The following MCTP1 variants were observed in gnomAD, a reference collection of about 807,000 sequenced individuals.
MCTP1 encodes the protein multiple C2 and transmembrane domain-containing protein 1.
Under a neutral mutation model 120.6 loss-of-function variants are expected in MCTP1, and 69 were observed. The ratio of observed to expected loss-of-function variants is 0.57; its 90% CI spans 0.47 to 0.70. MCTP1 has a LOEUF of 0.70. Among genes scored for constraint, MCTP1 ranks in the 30% least tolerant of loss-of-function variants. The pLI, the probability that MCTP1 is intolerant of heterozygous loss-of-function variation, is 0.00. For missense variants in MCTP1, 1,203 were observed against 1,248.8 expected (o/e 0.96, Z 0.55); for synonymous variants, 529 against 493.1 (o/e 1.07, Z -0.96).
chr5:94,805,708 G>C lies in MCTP1; in HGVS notation c.2437-6576C>G, dbSNP rs368874182. ...GCACAGAGAGAACTTTAAGGAAAAA[G>C]TCCTGAGAGGCAGACTGGGAGGGCA... On this transcript the variant is annotated intron_variant, in intron 17 of 22. Transcript: ENST00000515393. 1.1e-4 allele frequency among the ~76,000 whole-genome samples: 17 copies of C among 151,686 alleles called. No homozygotes were observed. In the East Asian group the frequency reaches 2.9e-3, roughly 26 times the overall value.
At chr5:94,857,321 G>A (rs763814807) in intron 17 of MCTP1, among the ~76,000 whole-genome samples, 3 of 151,662 alleles carry the variant, frequency 2.0e-5, no homozygotes, top group Non-Finnish European at 3.0e-5. Context: ...TCCTGTCACT[G>A]GCTCTGGTAA....
intron 17 of MCTP1, among the ~76,000 whole-genome samples, chr5:94,863,278 T>G (rs750077140): frequency 1.3e-5 from 2 of 151,876 alleles, no homozygotes; most frequent in African/African-American, 4.8e-5. Flanking sequence ...TTTGCTGTTG[T>G]GTAGAAAGTA....
chr5:95,191,111 A>C (rs999594564), intron 1 of MCTP1, among the ~76,000 whole-genome samples: 1 of 152,004 alleles, frequency 6.6e-6, no homozygotes, highest in Non-Finnish European at 1.5e-5. Flanking sequence ...ATTGCTAACT[A>C]TTCTCTGTTT....
chr5:95,170,853 G>A (rs778531683), intron 1 of MCTP1, among the ~76,000 whole-genome samples: 3 of 152,212 alleles, frequency 2.0e-5, no homozygotes, highest in East Asian at 1.9e-4. Context: ...ATGGGTCTTG[G>A]CTCTTTATCC....
chr5:94,818,765 A>G (rs1041708275), intron 17 of MCTP1, among the ~76,000 whole-genome samples: 11 of 152,176 alleles, frequency 7.2e-5, no homozygotes, highest in African/African-American at 2.7e-4. Context: ...TGTTCTGGCA[A>G]GTGTGAGACT....
At chr5:95,247,481 T>C (rs1582651016) in intron 1 of MCTP1, among the ~76,000 whole-genome samples, 1 of 152,320 alleles carries the variant, frequency 6.6e-6, no homozygotes, top group Middle Eastern at 3.4e-3. Flanking sequence ...AATTGTGATG[T>C]TAGGGTGTCG....
chr5:94,897,426 A>G (rs1174607865), intron 10 of MCTP1, among the ~76,000 whole-genome samples: 1 of 152,104 alleles, frequency 6.6e-6, no homozygotes, highest in Admixed American at 6.5e-5. Flanking sequence ...GCGCGATCTC[A>G]ACTCACCGTA....
In MCTP1 at chr5:94,924,033, CAAAT is replaced by C. The variant is rs879045170; in HGVS notation, c.1213-16_1213-13del. 7 of 1,416,600 alleles carry C rather than the reference CAAAT, an allele frequency of 4.9e-6. No homozygotes were observed. Among genetic ancestry groups the C allele is most frequent in the Non-Finnish European group, 4.7e-6 (5 of 1,055,024 alleles). The allele number at this position is 1,416,600 out of a possible 1,614,324, so 87.8% of individuals were successfully genotyped here. A position where few individuals can be genotyped will look rare whatever the true frequency, so the allele number is the denominator to read the frequency against. On this transcript the variant is annotated splice_polypyrimidine_tract_variant and intron_variant, in intron 6 of 22. Transcript: ENST00000515393. ...TTTTCTGAAAGTTCCTAGAAACAAA[CAAAT>C]ATTTAGCTACATTTTGAGATGTTTT...
At chr5:95,211,592 G>A (rs1752382392) in intron 1 of MCTP1, among the ~76,000 whole-genome samples, 1 of 152,124 alleles carries the variant, frequency 6.6e-6, no homozygotes, top group Non-Finnish European at 1.5e-5. Flanking sequence ...TCTTTTCAAA[G>A]TTTTCAACCT....
Position 94,870,476 on chromosome 5 carries a change from G to A in MCTP1, c.2257C>T (p.Arg753Ter), listed in dbSNP as rs766942058. The change falls in exon 16 of 23, where the codon CGA (arginine) becomes TGA (stop). Residue 753 changes from arginine to a stop codon, truncating the protein, a stop_gained. Coordinates refer to ENST00000515393, the MANE Select transcript of MCTP1 (RefSeq NM_024717.7). LOFTEE classifies it high-confidence loss of function. ...VIFNAVKASL[R>*]TLIPKEQKYI... ...TTCTGTTCTTTGGGTATTAATGTTC[G>A]TAAGCTGGCTTTCACCTATACATCA... 3.7e-6 allele frequency: 6 copies of A among 1,610,118 alleles called. No individual in the cohort carries two copies. Among genetic ancestry groups the A allele is most frequent in the South Asian group, 1.1e-5 (1 of 90,984 alleles).
At chr5:94,802,189 G>C (rs1011497994) in intron 17 of MCTP1, among the ~76,000 whole-genome samples, 4 of 151,966 alleles carry the variant, frequency 2.6e-5, no homozygotes, top group African/African-American at 9.7e-5. Context: ...TCCTACTATT[G>C]AAAAAATATA....
intron 1 of MCTP1, among the ~76,000 whole-genome samples, chr5:95,203,963 C>G (rs1264490483): frequency 5.3e-5 from 8 of 152,122 alleles, no homozygotes; most frequent in Non-Finnish European, 1.5e-5. Flanking sequence ...GTGTAGATTA[C>G]TAACTATGCA....
chr5:95,065,197 C>A (rs977546944), intron 1 of MCTP1, among the ~76,000 whole-genome samples: 2 of 151,770 alleles, frequency 1.3e-5, no homozygotes, highest in Non-Finnish European at 2.9e-5. Context: ...AATCTTCCTA[C>A]ACCTAAGAAA....
intron 1 of MCTP1, among the ~76,000 whole-genome samples, chr5:95,062,550 A>G (rs1306136182): frequency 1.3e-5 from 2 of 152,180 alleles, no homozygotes; most frequent in South Asian, 4.1e-4. Context: ...TAAGATTAAG[A>G]GGATGGTATT....
chr5:94,838,786 A>C (rs768280034), intron 17 of MCTP1, among the ~76,000 whole-genome samples: 1 of 152,294 alleles, frequency 6.6e-6, no homozygotes, highest in South Asian at 2.1e-4. Flanking sequence ...AGAGAGCTTT[A>C]GAGTATATAT....
intron 18 of MCTP1, among the ~76,000 whole-genome samples, chr5:94,785,565 A>T (rs996717117): frequency 7.2e-5 from 11 of 152,116 alleles, no homozygotes; most frequent in African/African-American, 2.7e-4. Flanking sequence ...TCTACTCACC[A>T]CGAATCTACT....
At chr5:94,886,876 T>A (rs942919132) in intron 12 of MCTP1, among the ~76,000 whole-genome samples, 7 of 152,192 alleles carry the variant, frequency 4.6e-5, no homozygotes, top group Admixed American at 3.9e-4. Context: ...TGTGTGCGTG[T>A]GTGTGTGTGT....
chr5:94,770,301 C>A (rs1463482961), intron 19 of MCTP1, among the ~76,000 whole-genome samples: 2 of 152,168 alleles, frequency 1.3e-5, no homozygotes, highest in African/African-American at 4.8e-5. Context: ...AGAGCCAGGG[C>A]TGACACACTG....
chr5:95,215,503 GC>G (rs1417438221), intron 1 of MCTP1, among the ~76,000 whole-genome samples: 3 of 152,108 alleles, frequency 2.0e-5, no homozygotes, highest in Non-Finnish European at 4.4e-5. Context: ...TACAATTCTG[GC>G]CAATGACATT....
Sources: allele counts gnomAD v4.1 joint callset (sites outside exome capture counted in the v4.1 genomes callset), GRCh38; gene constraint gnomAD v4.1.1; transcripts MANE v1.5; gene names NCBI Gene and HGNC (gene_info 2026-07-23, HGNC 2026-07-21).